Variants in PHF24 observed in about 807,000 individuals in gnomAD.
PHF24 encodes PHD finger protein 24.
PHF24 carries 25 observed loss-of-function variants against 42.6 expected under a neutral mutation model. That is an observed-to-expected ratio of 0.59 (90% CI 0.43 to 0.82). PHF24 has a LOEUF of 0.82. PHF24 is among the 40% of genes least tolerant of loss of function. The pLI is 0.00. For synonymous variants in PHF24, 185 were observed against 204.8 expected (o/e 0.90, Z 0.83); for missense variants, 470 against 538.1 (o/e 0.87, Z 1.25).
At chr9:34,769,657 A>G in the PHF24 span, among the ~76,000 whole-genome samples, 1 of 152,210 alleles carries the variant, frequency 6.6e-6, no homozygotes, top group Non-Finnish European at 1.5e-5. Flanking sequence ...TAGTGCTGTC[A>G]GTTAATAAGA....
the PHF24 span, among the ~76,000 whole-genome samples, chr9:34,822,265 T>C: frequency 0.15 from 22,272 of 152,208 alleles, 2,352 homozygotes; most frequent in East Asian, 0.48. Flanking sequence ...GATTACTGTA[T>C]GGTAATATTT....
the PHF24 span, among the ~76,000 whole-genome samples, chr9:34,941,143 A>C: frequency 1.3e-5 from 2 of 152,130 alleles, no homozygotes; most frequent in Admixed American, 6.5e-5. Flanking sequence ...AGACGCATGT[A>C]TTCTTCCTCC....
At chr9:34,714,810 T>G in the PHF24 span, among the ~76,000 whole-genome samples, 1 of 152,192 alleles carries the variant, frequency 6.6e-6, no homozygotes, top group Non-Finnish European at 1.5e-5. Context: ...TGTACCTTTT[T>G]CTTTCCTAAA....
chr9:34,846,871 G>T, the PHF24 span, among the ~76,000 whole-genome samples: 1 of 152,074 alleles, frequency 6.6e-6, no homozygotes, highest in Non-Finnish European at 1.5e-5. Flanking sequence ...TTTCCCCATT[G>T]CTTGTTTTTC....
the PHF24 span, among the ~76,000 whole-genome samples, chr9:34,882,382 GAAAT>G: frequency 3.9e-5 from 6 of 152,264 alleles, no homozygotes; most frequent in Non-Finnish European, 8.8e-5. Flanking sequence ...GCAGGAGAAA[GAAAT>G]AAAGGGTTTT....
chr9:34,728,141 G>A, the PHF24 span: 14 of 1,482,062 alleles, frequency 9.4e-6, no homozygotes, highest in Non-Finnish European at 1.3e-5. Flanking sequence ...CATCCTATAG[G>A]AAGCTGAATA....
At chr9:34,776,268 G>A in the PHF24 span, among the ~76,000 whole-genome samples, 1 of 152,094 alleles carries the variant, frequency 6.6e-6, no homozygotes, top group African/African-American at 2.4e-5. Flanking sequence ...TCCACAACTG[G>A]AGAAGTAATC....
chr9:34,971,597 C>T, exon 2 of PHF24: 1 of 1,614,088 alleles, frequency 6.2e-7, no homozygotes, highest in Non-Finnish European at 8.5e-7. Flanking sequence ...AGTCGATTCA[C>T]ACCCCCTGCG....
the PHF24 span, among the ~76,000 whole-genome samples, chr9:34,849,197 G>T: frequency 3.9e-4 from 59 of 152,122 alleles, no homozygotes; most frequent in East Asian, 0.011. Context: ...TGTTGACAGT[G>T]GGGTGTTAAA....
the PHF24 span, among the ~76,000 whole-genome samples, chr9:34,743,190 G>C: frequency 1.3e-5 from 2 of 152,268 alleles, no homozygotes; most frequent in South Asian, 2.1e-4. Context: ...CTGTATAAAG[G>C]CTTTTCCTTT....
the PHF24 span, among the ~76,000 whole-genome samples, chr9:34,803,280 T>C: frequency 6.6e-6 from 1 of 152,068 alleles, no homozygotes; most frequent in African/African-American, 2.4e-5. Flanking sequence ...TAAAGAGCAA[T>C]TGTTTTGGAA....
At chr9:34,835,935 G>C in the PHF24 span, 1 of 757,468 alleles carries the variant, frequency 1.3e-6, no homozygotes, top group Admixed American at 2.0e-5. Context: ...GGGAGATCTA[G>C]TCATTCTCAT....
rs796811363 is a variant in PHF24 at position 34,976,834 on chromosome 9, C to G, written c.849+94C>G. The stretch of plus-strand genomic sequence containing the variant: ...GATTGGGGGAGCACTGGGTCCTGCT[C>G]AAGCAGGGACAAGTATCAGGAATGG... On this transcript the variant is annotated intron_variant, in intron 5 of 7. Transcript: ENST00000242315. The G allele has an allele frequency of 3.7e-6, 4 of 1,087,896 alleles. No individual in the cohort carries two copies. The East Asian group carries it at 1.0e-4, about 27-fold the overall frequency. 67.4% of individuals were successfully genotyped at this position (1,087,896 alleles called of 1,614,324 possible).
the PHF24 span, among the ~76,000 whole-genome samples, chr9:34,715,878 C>T: frequency 2.0e-5 from 3 of 152,184 alleles, no homozygotes; most frequent in Non-Finnish European, 4.4e-5. Context: ...TTGGAAAGGG[C>T]CACATTCCCT....
chr9:34,688,976 C>G, the PHF24 span, among the ~76,000 whole-genome samples: 1 of 152,186 alleles, frequency 6.6e-6, no homozygotes, highest in Admixed American at 6.5e-5. Context: ...CTGCAGGAGG[C>G]TACCTAACCC....
the PHF24 span, among the ~76,000 whole-genome samples, chr9:34,851,166 C>T: frequency 9.9e-5 from 15 of 152,276 alleles, no homozygotes; most frequent in African/African-American, 2.9e-4. Flanking sequence ...GCAGAGGTTA[C>T]TGCTGTCTTT....
At chr9:34,966,080 C>G (rs1280388478) in intron 1 of PHF24, among the ~76,000 whole-genome samples, 1 of 152,158 alleles carries the variant, frequency 6.6e-6, no homozygotes, top group Non-Finnish European at 1.5e-5. Context: ...AAGATACTGT[C>G]AAACTCACTG....
At chr9:34,891,485 T>C in the PHF24 span, among the ~76,000 whole-genome samples, 58 of 152,300 alleles carry the variant, frequency 3.8e-4, no homozygotes, top group Non-Finnish European at 3.2e-4. Context: ...CTATTCCCAC[T>C]AGCTTCTGGT....
At chr9:34,928,458 A>T in the PHF24 span, among the ~76,000 whole-genome samples, 9 of 152,204 alleles carry the variant, frequency 5.9e-5, no homozygotes, top group East Asian at 5.8e-4. Flanking sequence ...AAAATTAAAA[A>T]TTTTTTTAAA....
Sources: allele counts gnomAD v4.1 joint callset (sites outside exome capture counted in the v4.1 genomes callset), GRCh38; gene constraint gnomAD v4.1.1; transcripts MANE v1.5; gene names NCBI Gene and HGNC (gene_info 2026-07-23, HGNC 2026-07-21).